The following C9orf85 variants were observed in gnomAD, a reference collection of about 807,000 sequenced individuals.
C9orf85 encodes chromosome 9 open reading frame 85, also known as uncharacterized protein C9orf85.
In C9orf85, 16 loss-of-function variants were observed where a neutral mutation model predicts 14.9. The ratio of observed to expected loss-of-function variants is 1.08; its 90% CI spans 0.73 to 1.63. C9orf85 has a LOEUF of 1.63. Ranked by LOEUF, C9orf85 falls within the 40% of genes most tolerant of loss-of-function variation. The probability of loss-of-function intolerance (pLI) is 0.00; values close to 1 mark genes in which losing one functional copy is unlikely to be tolerated. For missense variants in C9orf85, 172 were observed against 186.1 expected, an observed-to-expected ratio of 0.92 and a Z score of 0.44; for synonymous variants, 45 against 56.8, an observed-to-expected ratio of 0.79 and a Z score of 0.93.
intron 1 of C9orf85, among the ~76,000 whole-genome samples, chr9:71,930,663 G>A (rs1039291064): frequency 4.6e-5 from 7 of 151,356 alleles, no homozygotes; most frequent in African/African-American, 1.7e-4. Context: ...AAAATAGCCA[G>A]GCATGGTGGC....
At chr9:71,935,165 A>G (rs1828160382) in intron 1 of C9orf85, among the ~76,000 whole-genome samples, 1 of 152,198 alleles carries the variant, frequency 6.6e-6, no homozygotes, top group African/African-American at 2.4e-5. Context: ...TCTTCGTGGG[A>G]ATATGAAATG....
At chr9:71,951,286 T>C (rs1239143947) in intron 2 of C9orf85, among the ~76,000 whole-genome samples, 2 of 152,140 alleles carry the variant, frequency 1.3e-5, no homozygotes, top group African/African-American at 4.8e-5. Flanking sequence ...TGAAGGAGGA[T>C]AGGATGATGG....
chr9:71,980,016 CTTT>C (rs11311141), intron 3 of C9orf85, among the ~76,000 whole-genome samples: 20 of 104,474 alleles, frequency 1.9e-4, no homozygotes, highest in East Asian at 2.7e-4. Flanking sequence ...TTTCTTTTTT[CTTT>C]TTTTTTTTTT....
intron 1 of C9orf85, among the ~76,000 whole-genome samples, chr9:71,920,516 T>C (rs1827770400): frequency 6.6e-6 from 1 of 152,110 alleles, no homozygotes; most frequent in African/African-American, 2.4e-5. Flanking sequence ...AACACTATAG[T>C]AGGGAGGGGC....
chr9:71,943,897 C>A (rs1822011989), intron 1 of C9orf85, among the ~76,000 whole-genome samples: 1 of 149,808 alleles, frequency 6.7e-6, no homozygotes, highest in African/African-American at 2.4e-5. Context: ...TGTTTGACAA[C>A]AAATAGAATG....
chr9:71,963,059 C>CAA (rs995680189), intron 2 of C9orf85, among the ~76,000 whole-genome samples: 41 of 147,640 alleles, frequency 2.8e-4, no homozygotes, highest in African/African-American at 9.4e-4. Flanking sequence ...TCCGTCTCAC[C>CAA]AAAAAAAAAG....
intron 2 of C9orf85, among the ~76,000 whole-genome samples, chr9:71,948,813 G>C (rs1014106431): frequency 2.9e-4 from 22 of 75,846 alleles, no homozygotes; most frequent in African/African-American, 6.4e-4. Context: ...CGTGAGCCAC[G>C]CCCCCCCCCC....
intron 2 of C9orf85, among the ~76,000 whole-genome samples, chr9:71,959,193 A>G (rs1822450699): frequency 1.3e-5 from 2 of 151,674 alleles, no homozygotes; most frequent in African/African-American, 2.4e-5. Context: ...GCTGGAGTAC[A>G]ATGGCACGAT....
intron 1 of C9orf85, among the ~76,000 whole-genome samples, chr9:71,938,494 C>T (rs1688979768): frequency 6.6e-6 from 1 of 151,748 alleles, no homozygotes; most frequent in African/African-American, 2.4e-5. Context: ...ACAATGTTTA[C>T]AAAATAAAAT....
At chr9:71,939,876 T>C (rs12000464) in intron 1 of C9orf85, among the ~76,000 whole-genome samples, 140 of 151,462 alleles carry the variant, frequency 9.2e-4, no homozygotes, top group African/African-American at 3.3e-3. Flanking sequence ...CATCTGTATA[T>C]AATTTTAAAA....
In C9orf85 at chr9:71,973,006, G is replaced by A. The variant is rs1822925680; in HGVS notation, c.*164G>A. On this transcript the variant is annotated 3_prime_UTR_variant, in exon 4 of 4. Coordinates refer to ENST00000334731, the MANE Select transcript of C9orf85 (RefSeq NM_182505.5). ...TAAAAGTACAAAAAATTAGCTGGGC[G>A]TGGTGGCTCATGCCTGTAATCCCAG... 1.1e-5 allele frequency: 4 copies of A among 372,754 alleles called. No homozygotes were observed. Among genetic ancestry groups the A allele is most frequent in the East Asian group, 5.1e-5 (1 of 19,466 alleles). The allele number at this position is 372,754 out of a possible 1,614,324, so 23.1% of individuals were successfully genotyped here. A position where few individuals can be genotyped will look rare whatever the true frequency, so the allele number is the denominator to read the frequency against.
At chr9:71,970,969 G>C (rs1822846684) in intron 2 of C9orf85, among the ~76,000 whole-genome samples, 1 of 151,948 alleles carries the variant, frequency 6.6e-6, no homozygotes, top group African/African-American at 2.4e-5. Context: ...TGGCCAGACT[G>C]GTCTCAAACT....
At chr9:71,925,619 A>G (rs2132263496) in intron 1 of C9orf85, among the ~76,000 whole-genome samples, 1 of 152,308 alleles carries the variant, frequency 6.6e-6, no homozygotes, top group Admixed American at 6.5e-5. Context: ...GGGAAAAAAT[A>G]TAGGGAGGCA....
chr9:71,971,889 G>A (rs1291185622), intron 3 of C9orf85, among the ~76,000 whole-genome samples: 1 of 150,536 alleles, frequency 6.6e-6, no homozygotes, highest in Non-Finnish European at 1.5e-5. Context: ...CAGGAGAATC[G>A]CTTGAACTTG....
intron 2 of C9orf85, among the ~76,000 whole-genome samples, chr9:71,960,690 G>A (rs1213704257): frequency 1.3e-5 from 2 of 152,018 alleles, no homozygotes; most frequent in Non-Finnish European, 2.9e-5. Context: ...GGGAATTCAG[G>A]CGCCTGCCAC....
rs140604366 is a variant in C9orf85, at chr9:71,968,099, T to TAGAGAG, written c.210-3405_210-3404insGAGAGA. 3.4e-3 allele frequency among the ~76,000 whole-genome samples: 446 copies of TAGAGAG among 130,466 alleles called. 2 individuals carry two copies. The highest frequency in any genetic ancestry group is 6.0e-3 in the African/African-American group (194 of 32,256). The allele number at this position is 130,466 out of a possible 152,430, so 85.6% of individuals were successfully genotyped here. A position where few individuals can be genotyped will look rare whatever the true frequency, so the allele number is the denominator to read the frequency against. ...AAATCCATTGCTGCATATATATATA[T>TAGAGAG]ATAGAGAGAGAGAGAGAGAGTGCAT... On this transcript the variant is annotated intron_variant, in intron 2 of 3. Transcript: ENST00000334731.
intron 2 of C9orf85, among the ~76,000 whole-genome samples, chr9:71,950,943 G>A (rs906736746): frequency 2.0e-5 from 3 of 152,108 alleles, no homozygotes; most frequent in African/African-American, 4.8e-5. Flanking sequence ...CAAAAACCGC[G>A]TGTTAATTAG....
chr9:71,917,975 G>A (rs35444948), intron 1 of C9orf85, among the ~76,000 whole-genome samples: 2,229 of 152,262 alleles, frequency 0.015, 33 homozygotes, highest in Middle Eastern at 0.027. Context: ...TTGAGGTCAG[G>A]AGTTTGCAAA....
At chr9:71,981,883 T>G (rs865989185) in intron 3 of C9orf85, among the ~76,000 whole-genome samples, 27 of 152,222 alleles carry the variant, frequency 1.8e-4, no homozygotes, top group African/African-American at 6.5e-4. Context: ...TGTCTCTATA[T>G]TTTTAAAATG....
Sources: gnomAD v4.1 joint callset for allele counts (sites outside exome capture counted in the v4.1 genomes callset) on GRCh38, gnomAD v4.1.1 for gene constraint, MANE v1.5 for transcripts, NCBI Gene and HGNC (gene_info 2026-07-23, HGNC 2026-07-21) for gene names.